BIRC2: variants seen among roughly 807,000 people sequenced by gnomAD.
BIRC2 encodes the protein baculoviral IAP repeat-containing protein 2.
BIRC2 carries 18 observed loss-of-function variants against 60.9 expected under a neutral mutation model. That is an observed-to-expected ratio of 0.30 (90% confidence interval 0.20 to 0.44). The LOEUF (loss-of-function observed/expected upper bound fraction) is 0.44. Among genes scored for constraint, BIRC2 ranks in the 20% least tolerant of loss-of-function variants. The pLI is 1.00. For missense variants in BIRC2, 701 were observed against 728.5 expected, an observed-to-expected ratio of 0.96 and a Z score of 0.43; for synonymous variants, 282 against 247.7, an observed-to-expected ratio of 1.14 and a Z score of -1.30.
chr11:102,363,280 C>T (rs1321234525), intron 4 of BIRC2, among the ~76,000 whole-genome samples: 2 of 152,116 alleles, frequency 1.3e-5, no homozygotes, highest in Non-Finnish European at 2.9e-5. Context: ...TATGCTGCCA[C>T]TGTACAAATT....
chr11:102,374,908 C>G (rs955067946), intron 6 of BIRC2, among the ~76,000 whole-genome samples: 1 of 152,210 alleles, frequency 6.6e-6, no homozygotes, highest in Admixed American at 6.5e-5. Context: ...GCGCAATATT[C>G]GGGTGGGAGT....
intron 6 of BIRC2, among the ~76,000 whole-genome samples, chr11:102,373,340 G>A (rs984596880): frequency 1.2e-4 from 18 of 152,186 alleles, no homozygotes; most frequent in South Asian, 6.2e-4. Flanking sequence ...GCTTCCTTCC[G>A]GAGCTCTTTT....
At chr11:102,372,432 T>TAGTC (rs909474128) in intron 6 of BIRC2, among the ~76,000 whole-genome samples, 54 of 152,314 alleles carry the variant, frequency 3.5e-4, no homozygotes, top group Non-Finnish European at 5.9e-4. Context: ...ATGTACCCAG[T>TAGTC]AGTCATTCAG....
At chr11:102,356,960 G>T (rs1951430281) in intron 3 of BIRC2, among the ~76,000 whole-genome samples, 1 of 152,130 alleles carries the variant, frequency 6.6e-6, no homozygotes, top group African/African-American at 2.4e-5. Context: ...GTGAGCCACT[G>T]CACCTGGCTG....
At position 102,350,214 on chromosome 11, in the gene BIRC2, T is replaced by G; in HGVS notation, c.360T>G (p.Ser120Arg). 6.2e-7 allele frequency: 1 copy of G among 1,614,252 alleles called. No individual in the cohort carries two copies. The change falls in exon 2 of 9, where the codon AGT becomes AGG. Residue 120 changes from serine (S) to arginine (R), a missense_variant. Around this residue, in one of 4 missense-constraint regions of BIRC2, gnomAD observed 375 missense variants for 365.9 expected, o/e 1.02. Coordinates refer to ENST00000227758, the MANE Select transcript of BIRC2 (RefSeq NM_001166.5). ...CSFIQNLVSA[S>R]LGSTSKNTSP... ...TTATTCAGAATCTGGTTTCAGCTAG[T>G]CTGGGATCCACCTCTAAGAATACGT... is the stretch of plus-strand genomic sequence containing the variant.
Position 102,377,496 on chromosome 11 carries a change from A to G in BIRC2, c.1367A>G (p.Asp456Gly), listed in dbSNP as rs1209894874. 6.3e-7 allele frequency: 1 copy of G among 1,586,312 alleles called. No individual in the cohort carries two copies. Among genetic ancestry groups the G allele is most frequent in the African/African-American group, 1.4e-5 (1 of 73,164 alleles). The change falls in exon 7 of 9, where the codon GAT (aspartate) becomes GGT (glycine). Residue 456 changes from aspartate to glycine, a missense_variant and splice_region_variant. By Grantham distance (94) the Asp-to-Gly change is moderately conservative. Coordinates refer to ENST00000227758, the MANE Select transcript of BIRC2 (RefSeq NM_001166.5). ...KEKQAEEMAS[D>G]DLSLIRKNRM... ...ATTTCTTTTTCTTTTTTTAATGAAG[A>G]TGATTTGTCATTAATTCGGAAGAAC... is the stretch of plus-strand genomic sequence containing the variant.
intron 6 of BIRC2, among the ~76,000 whole-genome samples, chr11:102,374,522 G>T (rs557805655): frequency 1.3e-5 from 2 of 149,262 alleles, no homozygotes; most frequent in African/African-American, 2.5e-5. Flanking sequence ...GCAGTCTGCC[G>T]GTTCTCAGAT....
intron 6 of BIRC2, among the ~76,000 whole-genome samples, chr11:102,374,741 C>A (rs898553509): frequency 6.6e-6 from 1 of 152,238 alleles, no homozygotes; most frequent in Non-Finnish European, 1.5e-5. Flanking sequence ...CAAGCCTGGG[C>A]AATGGCGGGC....
At chr11:102,364,041 C>G (rs181168276) in intron 5 of BIRC2, among the ~76,000 whole-genome samples, 2 of 149,568 alleles carry the variant, frequency 1.3e-5, no homozygotes, top group African/African-American at 4.9e-5. Context: ...CAGAGCGAAA[C>G]TCCATCTCCA....
At chr11:102,362,335 G>A (rs1224117838) in intron 3 of BIRC2, among the ~76,000 whole-genome samples, 1 of 152,128 alleles carries the variant, frequency 6.6e-6, no homozygotes, top group Non-Finnish European at 1.5e-5. Flanking sequence ...TAGATGGTAT[G>A]TGAACTTCTT....
intron 6 of BIRC2, among the ~76,000 whole-genome samples, chr11:102,375,312 TA>T (rs1951697171): frequency 6.6e-6 from 1 of 152,154 alleles, no homozygotes; most frequent in Admixed American, 6.5e-5. Context: ...AAGACAGGGT[TA>T]AAGGGCCAGC....
At chr11:102,356,516 C>A (rs1023752330) in intron 3 of BIRC2, among the ~76,000 whole-genome samples, 6 of 151,050 alleles carry the variant, frequency 4.0e-5, no homozygotes, top group Non-Finnish European at 8.9e-5. Context: ...TTTTCATTAT[C>A]GAGTATGATG....
rs561590437 is a variant in BIRC2 at position 102,349,953 on chromosome 11, C to G, written c.99C>G (p.Asn33Lys). 1.2e-6 allele frequency: 2 copies of G among 1,614,178 alleles called. No homozygotes were observed. Among genetic ancestry groups the G allele is most frequent in the Non-Finnish European group, 1.7e-6 (2 of 1,180,018 alleles). The change falls in exon 2 of 9, where the codon AAC (asparagine) becomes AAG (lysine). Residue 33 changes from asparagine to lysine, a missense_variant. By Grantham distance (94) the Asn-to-Lys change is moderately conservative. Transcript: ENST00000227758. ...EDSTILSDWT[N>K]SNKQKMKYDF... ...GCACGATCTTGTCAGATTGGACAAA[C>G]AGCAACAAACAAAAAATGAAGTATG... is the stretch of plus-strand genomic sequence containing the variant.
In BIRC2 at chr11:102,347,324, C is replaced by G. The variant is rs1054094802; in HGVS notation, c.-1310C>G. The G allele has an allele frequency of 6.6e-6, 1 of 152,276 alleles. No homozygotes were observed. Among genetic ancestry groups the G allele is most frequent in the South Asian group, 2.1e-4 (1 of 4,832 alleles). The allele number at this position is 152,276 out of a possible 1,614,324, so 9.4% of individuals were successfully genotyped here. A position where few individuals can be genotyped will look rare whatever the true frequency, so the allele number is the denominator to read the frequency against. On this transcript the variant is annotated 5_prime_UTR_variant, in exon 1 of 9. Transcript: ENST00000227758. ...TCGGCGCCGCTGATTCCCGGCTCTG[C>G]GGAGGCCTCTAGGCAGCCGCGCAGC...
At chr11:102,361,429 T>G (rs34104132) in intron 3 of BIRC2, among the ~76,000 whole-genome samples, 9,248 of 151,944 alleles carry the variant, frequency 0.061, 324 homozygotes, top group Non-Finnish European at 0.081. Flanking sequence ...GGGGCATATG[T>G]GGGGGTTAGG....
chr11:102,377,043 T>A (rs1951723210), intron 6 of BIRC2, among the ~76,000 whole-genome samples: 1 of 152,164 alleles, frequency 6.6e-6, no homozygotes, highest in Non-Finnish European at 1.5e-5. Flanking sequence ...TTTCTTGTGA[T>A]CTTAGGCCAC....
At position 102,350,918 on chromosome 11, in the gene BIRC2, G is replaced by T; in HGVS notation, c.970G>T (p.Val324Leu). 2 of 1,613,982 alleles carry T rather than the reference G, an allele frequency of 1.2e-6. No homozygotes were observed. Among genetic ancestry groups the T allele is most frequent in the Non-Finnish European group, 1.7e-6 (2 of 1,179,942 alleles). Residue 324 changes from valine (V) to leucine (L), a missense_variant, in exon 3 of 9, where the codon GTA becomes TTA. Val to Leu is a conservative substitution (Grantham distance 32, BLOSUM62 1). This residue lies in a region of BIRC2 where 39 missense variants were observed against 69.8 expected (regional missense o/e 0.56). Transcript: ENST00000227758. The stretch of plus-strand genomic sequence containing the variant: ...TTGGGAATCTGGAGATGATCCATGG[G>T]TAGAACATGCCAAGTGGTTTCCAAG... The part of the protein sequence containing the change: ...RCWESGDDPW[V>L]EHAKWFPRCE...
intron 6 of BIRC2, among the ~76,000 whole-genome samples, chr11:102,371,855 G>A (rs1345382390): frequency 6.6e-6 from 1 of 151,986 alleles, no homozygotes; most frequent in Non-Finnish European, 1.5e-5. Context: ...TCCTGTTATT[G>A]GTCTATTCAG....
At chr11:102,376,121 C>T (rs1055388419) in intron 6 of BIRC2, among the ~76,000 whole-genome samples, 5 of 152,228 alleles carry the variant, frequency 3.3e-5, no homozygotes, top group Non-Finnish European at 7.4e-5. Context: ...ATGACTTTCT[C>T]ATACTTTGTA....
Sources: gnomAD v4.1 joint callset for allele counts (sites outside exome capture counted in the v4.1 genomes callset) on GRCh38, gnomAD v4.1.1 for gene constraint, gnomAD v4.1.1 regional missense constraint, MANE v1.5 for transcripts, NCBI Gene and HGNC (gene_info 2026-07-23, HGNC 2026-07-21) for gene names.